Variants in RBFOX1 observed in about 807,000 individuals in gnomAD.
The protein encoded by RBFOX1 is RNA binding fox-1 homolog 1.
Under a neutral mutation model 57.7 loss-of-function variants are expected in RBFOX1, and 8 were observed. The observed-to-expected ratio is 0.14, with a 90% CI of 0.08 to 0.25. The LOEUF is 0.25. Among genes scored for constraint, RBFOX1 ranks in the 10% least tolerant of loss-of-function variants. RBFOX1 has a pLI of 1.00. For synonymous variants in RBFOX1, 326 were observed against 222.4 expected, an observed-to-expected ratio of 1.47 and a Z score of -4.15; for missense variants, 611 against 548.5, an observed-to-expected ratio of 1.11 and a Z score of -1.14.
At chr16:5,318,881 C>G (rs1020262914) in intron 1 of RBFOX1, among the ~76,000 whole-genome samples, 6 of 152,168 alleles carry the variant, frequency 3.9e-5, no homozygotes, top group African/African-American at 1.2e-4. Flanking sequence ...GCCTGTAATC[C>G]AAGCACTTTG....
intron 1 of RBFOX1, among the ~76,000 whole-genome samples, chr16:6,126,573 G>A (rs1003588994): frequency 6.6e-6 from 1 of 152,154 alleles, no homozygotes. Flanking sequence ...TATGGCTTTA[G>A]ACTGTAATCC....
intron 2 of RBFOX1, among the ~76,000 whole-genome samples, chr16:5,512,051 C>G (rs1202973673): frequency 6.6e-6 from 1 of 152,174 alleles, no homozygotes; most frequent in Non-Finnish European, 1.5e-5. Context: ...CAATTGCATG[C>G]AAGATGGATG....
At chr16:6,147,926 G>T (rs986555575) in intron 1 of RBFOX1, among the ~76,000 whole-genome samples, 4 of 152,130 alleles carry the variant, frequency 2.6e-5, no homozygotes, top group Non-Finnish European at 4.4e-5. Flanking sequence ...CTTGCCTTCA[G>T]TCCCAGCTCT....
chr16:7,578,282 T>C (rs1388488830), intron 5 of RBFOX1, among the ~76,000 whole-genome samples: 1 of 152,236 alleles, frequency 6.6e-6, no homozygotes, highest in Non-Finnish European at 1.5e-5. Context: ...CTGTACTGCT[T>C]CCTATTCAAT....
intron 2 of RBFOX1, among the ~76,000 whole-genome samples, chr16:6,421,127 C>A (rs111458216): frequency 6.6e-6 from 1 of 152,112 alleles, no homozygotes; most frequent in Non-Finnish European, 1.5e-5. Flanking sequence ...GATAAATGAA[C>A]CGTGGTGTAA....
rs971941127 is a variant in RBFOX1, at chr16:7,239,407, C to T, written c.27+187309C>T. 3.3e-5 allele frequency among the ~76,000 whole-genome samples: 5 copies of T among 152,044 alleles called. No homozygotes were observed. The East Asian group carries it at 9.6e-4, about 29-fold the overall frequency. The stretch of plus-strand genomic sequence containing the variant: ...CCAGTTACTTGGGAGTCTAAGGCAC[C>T]AGAATTGCTTAAACCTGGGAGCTGG... On this transcript the variant is annotated intron_variant, in intron 4 of 15. Coordinates refer to ENST00000550418, the MANE Select transcript of RBFOX1 (RefSeq NM_018723.4).
At chr16:5,878,848 G>A (rs2057689434) in intron 4 of RBFOX1, among the ~76,000 whole-genome samples, 1 of 152,180 alleles carries the variant, frequency 6.6e-6, no homozygotes, top group Admixed American at 6.6e-5. Flanking sequence ...ATTTAAAATA[G>A]GAGGGTTGGA....
At chr16:6,786,646 G>T (rs1022586016) in intron 3 of RBFOX1, among the ~76,000 whole-genome samples, 4 of 152,152 alleles carry the variant, frequency 2.6e-5, no homozygotes, top group African/African-American at 7.2e-5. Flanking sequence ...ATGGTGCTCT[G>T]TGCGCATTTA....
chr16:6,567,566 T>C (rs1046699322), intron 2 of RBFOX1, among the ~76,000 whole-genome samples: 28 of 152,194 alleles, frequency 1.8e-4, no homozygotes, highest in African/African-American at 6.5e-4. Flanking sequence ...GTGTTTCTTA[T>C]GTGTCTGCTT....
At chr16:5,680,823 C>T (rs560621758) in intron 3 of RBFOX1, among the ~76,000 whole-genome samples, 55 of 152,184 alleles carry the variant, frequency 3.6e-4, no homozygotes, top group South Asian at 6.2e-4. Flanking sequence ...ATGTCCCAGG[C>T]ATAGTTCTAA....
intron 2 of RBFOX1, among the ~76,000 whole-genome samples, chr16:5,469,855 T>G (rs778360373): frequency 5.3e-5 from 8 of 152,250 alleles, no homozygotes; most frequent in Non-Finnish European, 1.0e-4. Flanking sequence ...GGCTGAATAA[T>G]ATTCCATTGG....
chr16:5,495,165 C>A (rs1369083470), intron 2 of RBFOX1, among the ~76,000 whole-genome samples: 1 of 152,182 alleles, frequency 6.6e-6, no homozygotes, highest in African/African-American at 2.4e-5. Flanking sequence ...GCAGGCACAT[C>A]TTTACACGGC....
intron 3 of RBFOX1, among the ~76,000 whole-genome samples, chr16:5,861,028 T>C (rs985887141): frequency 1.3e-5 from 2 of 152,210 alleles, no homozygotes; most frequent in Non-Finnish European, 2.9e-5. Flanking sequence ...GTTTGAGCTT[T>C]GTGGCTGGTG....
rs150456145 is a variant in RBFOX1 at position 6,318,209 on chromosome 16, C to G, written c.-64+1152C>G. ...ACTTAGCGTAACCCTGATCAGCTAA[C>G]GCTTGTATCTCACAGGAGATTAGAC... On this transcript the variant is annotated intron_variant, in intron 2 of 15. Coordinates refer to ENST00000550418, the MANE Select transcript of RBFOX1 (RefSeq NM_018723.4). Among the ~76,000 whole-genome samples the G allele has an allele frequency of 1.3e-5, 2 of 152,134 alleles. 1 individual carries two copies. Among genetic ancestry groups the G allele is most frequent in the Non-Finnish European group, 2.9e-5 (2 of 68,040 alleles).
intron 4 of RBFOX1, among the ~76,000 whole-genome samples, chr16:5,871,644 T>C (rs1486337312): frequency 2.0e-5 from 3 of 152,152 alleles, no homozygotes; most frequent in African/African-American, 7.2e-5. Flanking sequence ...ACCAGCTGTA[T>C]ATTAACACAA....
chr16:6,914,335 G>A (rs1162872829), intron 3 of RBFOX1, among the ~76,000 whole-genome samples: 2 of 152,280 alleles, frequency 1.3e-5, no homozygotes, highest in Non-Finnish European at 2.9e-5. Context: ...AGTCCGGGGT[G>A]TCTGGGCTTA....
intron 3 of RBFOX1, among the ~76,000 whole-genome samples, chr16:5,697,046 G>A (rs1336401812): frequency 6.6e-6 from 1 of 152,042 alleles, no homozygotes; most frequent in Non-Finnish European, 1.5e-5. Context: ...CCGAGTAGGT[G>A]GGACTACAGG....
intron 2 of RBFOX1, among the ~76,000 whole-genome samples, chr16:6,365,508 C>A (rs2089444250): frequency 6.6e-6 from 1 of 152,092 alleles, no homozygotes; most frequent in South Asian, 2.1e-4. Context: ...TGGATACATA[C>A]ATGTAATACA....
intron 11 of RBFOX1, among the ~76,000 whole-genome samples, chr16:7,638,723 A>G (rs1052994927): frequency 6.6e-6 from 1 of 152,202 alleles, no homozygotes; most frequent in Non-Finnish European, 1.5e-5. Context: ...ACTACTGTAC[A>G]TATAGCCATA....
Sources: gnomAD v4.1 joint callset for allele counts (sites outside exome capture counted in the v4.1 genomes callset) on GRCh38, gnomAD v4.1.1 for gene constraint, MANE v1.5 for transcripts, NCBI Gene and HGNC (gene_info 2026-07-23, HGNC 2026-07-21) for gene names.